The following EFL1 variants were observed in gnomAD, a reference collection of about 807,000 sequenced individuals.
EFL1 encodes the protein elongation factor like GTPase 1, also known as elongation factor-like GTPase 1.
A neutral mutation model predicts 126.7 loss-of-function variants in EFL1; 76 were observed. The observed-to-expected ratio is 0.60, with a 90% confidence interval of 0.50 to 0.73. EFL1 has a LOEUF of 0.73. Ranked by LOEUF, EFL1 falls within the 30% of genes least tolerant of loss-of-function variation. The pLI is 0.00. For synonymous variants in EFL1, 410 were observed against 448.4 expected (o/e 0.91, Z 1.08); for missense variants, 1,128 against 1,343.2 (o/e 0.84, Z 2.50).
chr15:82,176,444 A>T (rs1332480617), intron 15 of EFL1, among the ~76,000 whole-genome samples: 1 of 152,246 alleles, frequency 6.6e-6, no homozygotes, highest in Non-Finnish European at 1.5e-5. Context: ...ATACCCATCC[A>T]GGGACTTTTA....
chr15:82,204,978 G>C (rs1040999004), intron 15 of EFL1, among the ~76,000 whole-genome samples: 7 of 152,098 alleles, frequency 4.6e-5, no homozygotes, highest in African/African-American at 1.7e-4. Flanking sequence ...AGGATTAGTA[G>C]GGCCAAAACC....
rs1595990810 is a variant in EFL1 at position 82,219,811 on chromosome 15, C to T, written c.1452G>A (p.Glu484=). The part of the protein sequence containing the change: ...CPKGEEPRGD[E]QQVESMTPKP... Reference sequence around the variant, plus strand: ...TAGGGGTCATACTTTCCACCTGTTGCTCGTCACCTGACAGAAACAAAAAGA... The same window carrying T: ...TAGGGGTCATACTTTCCACCTGTTGTTCGTCACCTGACAGAAACAAAAAGA... Residue 484 remains glutamate (E), a synonymous_variant, in exon 14 of 20, where the codon GAG becomes GAA. Transcript: ENST00000268206. 2 of 1,603,768 alleles carry T rather than the reference C, an allele frequency of 1.2e-6. No individual in the cohort carries two copies. The highest frequency in any genetic ancestry group is 1.7e-6 in the Non-Finnish European group (2 of 1,177,402).
chr15:82,141,687 C>CAAA (rs111707224), intron 18 of EFL1, among the ~76,000 whole-genome samples: 4 of 111,784 alleles, frequency 3.6e-5, no homozygotes, highest in African/African-American at 1.1e-4. Flanking sequence ...AAAAAAAAAC[C>CAAA]AAAAAAAAAA....
chr15:82,220,594 A>C (rs2074701425), intron 12 of EFL1, among the ~76,000 whole-genome samples: 4 of 152,218 alleles, frequency 2.6e-5, no homozygotes, highest in Admixed American at 2.6e-4. Context: ...GCAGGGAAAC[A>C]AGCATAAGGC....
In EFL1 at chr15:82,225,198, A is replaced by G; in HGVS notation, c.1259T>C (p.Val420Ala). ...ATTCTGAGGCAAGGCCTTAGCATCA[A>G]CTGCAAACATTTTGGAAACAAATAT... ...VIIFVSKMFA[V>A]DAKALPQNKP... Residue 420 changes from valine (V) to alanine (A), a missense_variant, in exon 12 of 20, where the codon GTT (valine) becomes GCT (alanine). Val to Ala is a moderately conservative substitution (Grantham distance 64). This residue lies in a region of EFL1 where 316 missense variants were observed against 318.5 expected (regional missense o/e 0.99). Coordinates refer to ENST00000268206, the MANE Select transcript of EFL1 (RefSeq NM_024580.6). 2 of 1,612,340 alleles carry G rather than the reference A, an allele frequency of 1.2e-6. No homozygotes were observed. Among genetic ancestry groups the G allele is most frequent in the African/African-American group, 1.3e-5 (1 of 74,908 alleles).
chr15:82,251,030 G>C (rs546930219), intron 4 of EFL1, among the ~76,000 whole-genome samples: 11 of 152,010 alleles, frequency 7.2e-5, no homozygotes, highest in African/African-American at 2.7e-4. Flanking sequence ...TGGCCAACAT[G>C]GTGAAACCCC....
chr15:82,133,498 C>A (rs2073682313), intron 19 of EFL1, among the ~76,000 whole-genome samples: 1 of 152,136 alleles, frequency 6.6e-6, no homozygotes, highest in Non-Finnish European at 1.5e-5. Context: ...AAGTCAAGTG[C>A]ATTTATTATA....
intron 19 of EFL1, among the ~76,000 whole-genome samples, chr15:82,135,349 C>T (rs1412362567): frequency 4.6e-5 from 7 of 151,888 alleles, no homozygotes; most frequent in African/African-American, 1.7e-4. Context: ...ACCATCAAGG[C>T]TTTCAGGTAA....
chr15:82,197,862 T>C (rs554687497), intron 15 of EFL1, among the ~76,000 whole-genome samples: 1 of 152,242 alleles, frequency 6.6e-6, no homozygotes, highest in Admixed American at 6.5e-5. Flanking sequence ...TAATAAAAAG[T>C]GCCTGCCTGC....
chr15:82,204,113 T>C (rs2074500117), intron 15 of EFL1, among the ~76,000 whole-genome samples: 1 of 152,224 alleles, frequency 6.6e-6, no homozygotes, highest in Non-Finnish European at 1.5e-5. Flanking sequence ...GAAAGGACAT[T>C]TCACCGAGAT....
chr15:82,238,624 G>C (rs2074898890), intron 6 of EFL1, 103 bp from the exon 7 acceptor site: 2 of 1,040,674 alleles, frequency 1.9e-6, no homozygotes, highest in East Asian at 2.6e-5. Context: ...TCATTAGTCA[G>C]TTTGGGCTCA....
At chr15:82,230,504 G>C (rs551426870) in intron 8 of EFL1, among the ~76,000 whole-genome samples, 1 of 152,180 alleles carries the variant, frequency 6.6e-6, no homozygotes, top group South Asian at 2.1e-4. Context: ...GGGATGTCTA[G>C]AAGAGACATC....
chr15:82,141,830 A>G (rs536578232), intron 18 of EFL1, among the ~76,000 whole-genome samples: 11 of 152,348 alleles, frequency 7.2e-5, no homozygotes, highest in Admixed American at 3.3e-4. Flanking sequence ...AAGCTGCCTG[A>G]CTGCTGCTGC....
intron 15 of EFL1, among the ~76,000 whole-genome samples, chr15:82,213,413 AAG>A (rs1050802591): frequency 1.1e-4 from 16 of 152,334 alleles, no homozygotes; most frequent in Admixed American, 9.8e-4. Flanking sequence ...TGGGAAGCAG[AAG>A]AGAGAGAAAT....
At chr15:82,147,172 C>A (rs1158968095) in intron 18 of EFL1, among the ~76,000 whole-genome samples, 2 of 152,146 alleles carry the variant, frequency 1.3e-5, no homozygotes, top group Non-Finnish European at 2.9e-5. Context: ...GAAAATTCAT[C>A]TTCCCAGAAA....
intron 3 of EFL1, 103 bp from the exon 4 acceptor site, chr15:82,252,878 G>A: frequency 1.3e-6 from 1 of 782,206 alleles, no homozygotes; most frequent in Non-Finnish European, 2.1e-6. Flanking sequence ...TATTTAATTT[G>A]TTATTTTTAT....
chr15:82,167,828 G>A (rs2074095149), intron 15 of EFL1, among the ~76,000 whole-genome samples: 1 of 152,106 alleles, frequency 6.6e-6, no homozygotes, highest in Non-Finnish European at 1.5e-5. Context: ...TTAAAAATTT[G>A]TGGGAAAAAA....
intron 15 of EFL1, 130 bp downstream of exon 15, chr15:82,214,587 G>T: frequency 1.7e-6 from 2 of 1,201,310 alleles, no homozygotes; most frequent in Non-Finnish European, 1.2e-6. Flanking sequence ...CTAAGTTAAA[G>T]ATACCAGAAA....
intron 4 of EFL1, among the ~76,000 whole-genome samples, chr15:82,246,037 C>T (rs1196758971): frequency 1.3e-5 from 2 of 151,932 alleles, no homozygotes; most frequent in Non-Finnish European, 2.9e-5. Context: ...CTGCACAAAC[C>T]CGACCCGAAG....
Sources: gnomAD v4.1 joint callset for allele counts (sites outside exome capture counted in the v4.1 genomes callset) on GRCh38, gnomAD v4.1.1 for gene constraint, gnomAD v4.1.1 regional missense constraint, MANE v1.5 for transcripts, NCBI Gene and HGNC (gene_info 2026-07-23, HGNC 2026-07-21) for gene names.